Variants in ZNF236 observed in about 807,000 individuals in gnomAD.
ZNF236 encodes zinc finger protein 236.
ZNF236 carries 50 observed loss-of-function variants against 191.2 expected under a neutral mutation model. That is an observed-to-expected ratio of 0.26 (90% CI 0.21 to 0.33). The LOEUF (loss-of-function observed/expected upper bound fraction) is 0.33, where lower values mean the gene tolerates loss of function less well. ZNF236 is among the 10% of genes least tolerant of loss of function. ZNF236 has a pLI of 1.00. For synonymous variants in ZNF236, 907 were observed against 928.8 expected, an observed-to-expected ratio of 0.98 and a Z score of 0.43; for missense variants, 1,754 against 2,374.5, an observed-to-expected ratio of 0.74 and a Z score of 5.43.
rs188136845 is a variant in ZNF236 at position 76,937,909 on chromosome 18, A to G, written c.4782+566A>G. Among the ~76,000 whole-genome samples the G allele has an allele frequency of 1.6e-4, 25 of 152,364 alleles. No individual in the cohort carries two copies. The East Asian group carries it at 4.0e-3, about 25-fold the overall frequency. On this transcript the variant is annotated intron_variant, in intron 26 of 30. Coordinates refer to ENST00000320610, the MANE Select transcript of ZNF236 (RefSeq NM_001306089.2). Reference sequence around the variant, plus strand: ...AGGAAAATCATAATGATACATTATGATTAGTTATAATGAAGGTGAATTATA... The same window carrying G: ...AGGAAAATCATAATGATACATTATGGTTAGTTATAATGAAGGTGAATTATA...
In ZNF236 at chr18:76,912,326, A is replaced by G. The variant is rs1360704181; in HGVS notation, c.2888A>G (p.Asp963Gly). The G allele has an allele frequency of 1.2e-6, 2 of 1,614,114 alleles. No homozygotes were observed. ...QGSQFLEDNE[D>G]QSRRSYRCDY... ...TCCCAGTTTCTGGAGGACAACGAGG[A>G]CCAGAGCAGGCGCTCTTACAGGTAG... is the stretch of plus-strand genomic sequence containing the variant. Residue 963 changes from aspartate to glycine, a missense_variant, in exon 17 of 31, where the codon GAC (aspartate) becomes GGC (glycine). Asp to Gly is a moderately conservative substitution (Grantham distance 94, BLOSUM62 -1). Coordinates refer to ENST00000320610, the MANE Select transcript of ZNF236 (RefSeq NM_001306089.2).
At chr18:76,893,960 A>G (rs1185554912) in intron 9 of ZNF236, among the ~76,000 whole-genome samples, 1 of 152,242 alleles carries the variant, frequency 6.6e-6, no homozygotes, top group East Asian at 1.9e-4. Flanking sequence ...CTTTTTCCCT[A>G]AGAAAACTAT....
In ZNF236 at chr18:76,969,396, A is replaced by T. The variant is rs907630110; in HGVS notation, c.*1057A>T. ...ATGGAAGGTTCTTTACTTCATGTTA[A>T]TTTTTCCTTTGAAATTATTTATATG... On this transcript the variant is annotated 3_prime_UTR_variant, in exon 31 of 31. Transcript: ENST00000320610. 6.5e-6 allele frequency: 1 copy of T among 152,704 alleles called. No individual in the cohort carries two copies. Among genetic ancestry groups the T allele is most frequent in the Middle Eastern group, 3.4e-3 (1 of 294 alleles). The allele number at this position is 152,704 out of a possible 1,614,324, so 9.5% of individuals were successfully genotyped here.
At chr18:76,915,375 C>G (rs907990139) in intron 18 of ZNF236, among the ~76,000 whole-genome samples, 3 of 152,134 alleles carry the variant, frequency 2.0e-5, no homozygotes, top group African/African-American at 7.2e-5. Flanking sequence ...CTTCACAGAG[C>G]CTGCTGATTT....
intron 3 of ZNF236, among the ~76,000 whole-genome samples, chr18:76,859,393 A>C (rs1249469883): frequency 1.3e-5 from 2 of 152,058 alleles, no homozygotes; most frequent in East Asian, 3.9e-4. Context: ...ATAGACTTTC[A>C]GGCAGAACCC....
chr18:76,919,546 C>T lies in ZNF236; in HGVS notation c.3275-230C>T, dbSNP rs527911166. Among the ~76,000 whole-genome samples, 27 of 152,260 alleles carry T rather than the reference C, an allele frequency of 1.8e-4. No homozygotes were observed. In the South Asian group the frequency reaches 5.2e-3, roughly 29 times the overall value. On this transcript the variant is annotated intron_variant, in intron 19 of 30. Coordinates refer to ENST00000320610, the MANE Select transcript of ZNF236 (RefSeq NM_001306089.2). This position sits in a 1 kb window ranked among gnomAD's most constrained non-coding sequence, Gnocchi z 5.3. Reference sequence around the variant, plus strand: ...CGGATGTTTTCACCCCTTCACCAACCTCTGTTCATCCCCCGCCCCCCACTT... The same window carrying T: ...CGGATGTTTTCACCCCTTCACCAACTTCTGTTCATCCCCCGCCCCCCACTT...
At chr18:76,912,876 C>T (rs1265372001) in intron 17 of ZNF236, among the ~76,000 whole-genome samples, 1 of 152,244 alleles carries the variant, frequency 6.6e-6, no homozygotes, top group African/African-American at 2.4e-5. Flanking sequence ...TGGTCTCAAA[C>T]TCCTGACCTC....
At chr18:76,881,226 TGG>T (rs1976882869) in intron 8 of ZNF236, 56 bp from the exon 9 acceptor site, 7 of 1,453,704 alleles carry the variant, frequency 4.8e-6, no homozygotes, top group Non-Finnish European at 1.9e-6. Context: ...TGACTGATTT[TGG>T]TAGGCAGAGT....
At chr18:76,874,918 C>T (rs374163827) in intron 5 of ZNF236, among the ~76,000 whole-genome samples, 120 of 152,290 alleles carry the variant, frequency 7.9e-4, no homozygotes, top group African/African-American at 2.5e-3. Context: ...AGAAGAACTT[C>T]GATTTTACTC....
At position 76,916,085 on chromosome 18, in the gene ZNF236, C is replaced by T. The variant is rs544172175; in HGVS notation, c.3274+226C>T. Among the ~76,000 whole-genome samples, 64 of 152,304 alleles carry T rather than the reference C, an allele frequency of 4.2e-4. 1 individual carries two copies. Among genetic ancestry groups the T allele is most frequent in the South Asian group, 2.7e-3 (13 of 4,826 alleles). On this transcript the variant is annotated intron_variant, in intron 19 of 30. Transcript: ENST00000320610. ...ACATCTGCTCTTACAAATCACCACGCGCTGAATTGGCATTCACTCTCACAC... is the reference window on the plus strand; with the variant it reads ...ACATCTGCTCTTACAAATCACCACGTGCTGAATTGGCATTCACTCTCACAC...
chr18:76,862,742 G>C (rs527889437), intron 3 of ZNF236, among the ~76,000 whole-genome samples: 96 of 152,286 alleles, frequency 6.3e-4, no homozygotes, highest in African/African-American at 2.2e-3. Flanking sequence ...TCTGCGAAAT[G>C]GGTCTCTGCT....
intron 28 of ZNF236, among the ~76,000 whole-genome samples, chr18:76,959,171 C>T (rs1968598556): frequency 6.6e-6 from 1 of 152,244 alleles, no homozygotes; most frequent in African/African-American, 2.4e-5. Flanking sequence ...GGAGAACGCA[C>T]TTCAGAATCA....
At chr18:76,909,645 C>T (rs1239527117) in intron 14 of ZNF236, among the ~76,000 whole-genome samples, 4 of 152,180 alleles carry the variant, frequency 2.6e-5, no homozygotes, top group African/African-American at 7.2e-5. Context: ...CTGGCACAGG[C>T]TTCTTATCTC....
In ZNF236 at chr18:76,910,802, G is replaced by C. The variant is rs773336852; in HGVS notation, c.2796G>C (p.Gly932=). 8 of 1,613,994 alleles carry C rather than the reference G, an allele frequency of 5.0e-6. No individual in the cohort carries two copies. In the Admixed American group the frequency reaches 1.2e-4, roughly 24 times the overall value. ...QSLLQAPSSD[G]MNVTTRLIQE... Reference sequence around the variant, plus strand: ...TGCTGCAGGCTCCCAGCTCTGATGGGATGAATGTAGTGAGTATGGACAGAG... The same window carrying C: ...TGCTGCAGGCTCCCAGCTCTGATGGCATGAATGTAGTGAGTATGGACAGAG... Residue 932 remains glycine, a synonymous_variant, in exon 16 of 31, where the codon GGG becomes GGC. Coordinates refer to ENST00000320610, the MANE Select transcript of ZNF236 (RefSeq NM_001306089.2).
In ZNF236 at chr18:76,885,813, T is replaced by C. The variant is rs1198967679; in HGVS notation, c.1417+4301T>C. 4 of 152,362 alleles carry C rather than the reference T, an allele frequency of 2.6e-5. No individual in the cohort carries two copies. The East Asian group carries it at 7.7e-4, about 29-fold the overall frequency. The allele number at this position is 152,362 out of a possible 1,614,324, so 9.4% of individuals were successfully genotyped here. A position where few individuals can be genotyped will look rare whatever the true frequency, so the allele number is the denominator to read the frequency against. On this transcript the variant is annotated intron_variant, in intron 9 of 30. Coordinates refer to ENST00000320610, the MANE Select transcript of ZNF236 (RefSeq NM_001306089.2). ...TTCCTCCAGGCAAGTAATCATGCAA[T>C]GAGGAAGAACATGGGACCTCTGCTT...
At chr18:76,864,379 T>A (rs917639050) in intron 3 of ZNF236, among the ~76,000 whole-genome samples, 1 of 151,926 alleles carries the variant, frequency 6.6e-6, no homozygotes, top group Non-Finnish European at 1.5e-5. Context: ...TTTATATTTT[T>A]AGTAGAGATG....
intron 3 of ZNF236, among the ~76,000 whole-genome samples, chr18:76,853,862 T>G (rs574097789): frequency 6.6e-6 from 1 of 151,866 alleles, no homozygotes; most frequent in African/African-American, 2.4e-5. Context: ...AATACAAAAA[T>G]TAGCCAGGCA....
chr18:76,898,887 T>G, intron 10 of ZNF236, 132 bp from the exon 11 acceptor site: 1 of 759,844 alleles, frequency 1.3e-6, no homozygotes, highest in Non-Finnish European at 2.1e-6. Flanking sequence ...ACAATATCCA[T>G]TAAATTATAA....
chr18:76,955,906 C>T (rs1320908955), intron 27 of ZNF236, 79 bp from the exon 28 acceptor site: 1 of 1,465,206 alleles, frequency 6.8e-7, no homozygotes, highest in Non-Finnish European at 9.4e-7. Context: ...TCCCTCTTAT[C>T]ACCACGGTGT....
Sources: gnomAD v4.1 joint callset for allele counts (sites outside exome capture counted in the v4.1 genomes callset) on GRCh38, gnomAD v4.1.1 for gene constraint, Gnocchi (gnomAD v3.1) non-coding constraint, MANE v1.5 for transcripts, NCBI Gene and HGNC (gene_info 2026-07-23, HGNC 2026-07-21) for gene names.